Variants in ADGRL3 observed in about 807,000 individuals in gnomAD.
ADGRL3 encodes the protein adhesion G protein-coupled receptor L3.
In ADGRL3, 62 loss-of-function variants were observed where a neutral mutation model predicts 153.5. That is an observed-to-expected ratio of 0.40 (90% CI 0.33 to 0.50). The LOEUF is 0.50. Ranked by LOEUF, ADGRL3 falls within the 20% of genes least tolerant of loss-of-function variation. The pLI is 0.47. For missense variants in ADGRL3, 1,641 were observed against 1,859.4 expected (o/e 0.88, Z 2.16); for synonymous variants, 710 against 672.5 (o/e 1.06, Z -0.86).
chr4:61,852,279 T>C (rs971671917), intron 9 of ADGRL3, among the ~76,000 whole-genome samples: 1 of 142,132 alleles, frequency 7.0e-6, no homozygotes, highest in Non-Finnish European at 1.5e-5. Flanking sequence ...AACTACTTAT[T>C]TTATTTTAAT....
At chr4:61,960,704 G>A (rs1181700421) in intron 17 of ADGRL3, among the ~76,000 whole-genome samples, 1 of 151,864 alleles carries the variant, frequency 6.6e-6, no homozygotes, top group South Asian at 2.1e-4. Flanking sequence ...AGTGTTTTTT[G>A]TTTTGTTTTG....
intron 6 of ADGRL3, among the ~76,000 whole-genome samples, chr4:61,714,173 A>G (rs2096059511): frequency 6.6e-6 from 1 of 151,588 alleles, no homozygotes; most frequent in Non-Finnish European, 1.5e-5. Flanking sequence ...AACAAAAAAA[A>G]AGTTCTTTTG....
intron 1 of ADGRL3, among the ~76,000 whole-genome samples, chr4:61,256,959 A>T (rs2092028650): frequency 6.6e-6 from 1 of 152,144 alleles, no homozygotes; most frequent in African/African-American, 2.4e-5. Context: ...GCACATACTT[A>T]ACACACACAC....
intron 9 of ADGRL3, among the ~76,000 whole-genome samples, chr4:61,840,117 T>C (rs996472316): frequency 6.6e-6 from 1 of 152,238 alleles, no homozygotes; most frequent in African/African-American, 2.4e-5. Context: ...AATATTTCTG[T>C]GTCCCAGGCT....
At chr4:61,725,852 T>C (rs1244290158) in intron 6 of ADGRL3, among the ~76,000 whole-genome samples, 1 of 152,178 alleles carries the variant, frequency 6.6e-6, no homozygotes, top group Non-Finnish European at 1.5e-5. Flanking sequence ...ACGGCAGGAC[T>C]CTGCCACCTA....
At chr4:61,808,196 C>G (rs114117808) in intron 8 of ADGRL3, among the ~76,000 whole-genome samples, 1,569 of 152,254 alleles carry the variant, frequency 0.01, 18 homozygotes, top group Middle Eastern at 0.041. Flanking sequence ...ACTGCTTAGT[C>G]CTGCACCTAG....
At chr4:61,434,962 G>T in intron 2 of ADGRL3, among the ~76,000 whole-genome samples, 1 of 152,108 alleles carries the variant, frequency 6.6e-6, no homozygotes, top group African/African-American at 2.4e-5. Flanking sequence ...TGGCCACTGA[G>T]ATTTAAAAAT....
At chr4:61,848,583 C>T (rs1039598078) in intron 9 of ADGRL3, among the ~76,000 whole-genome samples, 1 of 152,074 alleles carries the variant, frequency 6.6e-6, no homozygotes, top group Non-Finnish European at 1.5e-5. Context: ...GTCACATTCA[C>T]AGGTACCAGG....
chr4:61,469,146 G>A (rs546139611), intron 2 of ADGRL3, among the ~76,000 whole-genome samples: 209 of 152,054 alleles, frequency 1.4e-3, no homozygotes, highest in African/African-American at 4.7e-3. Flanking sequence ...ATCTTAGAAG[G>A]GCAGTATTAC....
chr4:61,587,902 G>A (rs1016331454), intron 5 of ADGRL3, among the ~76,000 whole-genome samples: 4 of 151,978 alleles, frequency 2.6e-5, no homozygotes, highest in Non-Finnish European at 4.4e-5. Flanking sequence ...TTAAGGATTA[G>A]TTGGCCTTGG....
chr4:61,428,657 GT>G (rs1344100343), intron 2 of ADGRL3, among the ~76,000 whole-genome samples: 11 of 152,126 alleles, frequency 7.2e-5, no homozygotes, highest in Admixed American at 7.2e-4. Context: ...CCTAGCCTCA[GT>G]TTTCTCATCT....
chr4:61,384,729 A>G (rs930408444), intron 2 of ADGRL3, among the ~76,000 whole-genome samples: 2 of 152,026 alleles, frequency 1.3e-5, no homozygotes, highest in Non-Finnish European at 2.9e-5. Context: ...ACTCCAGTAG[A>G]AGCTAATAAA....
At chr4:61,953,948 T>C (rs1375053517) in intron 17 of ADGRL3, among the ~76,000 whole-genome samples, 3 of 152,166 alleles carry the variant, frequency 2.0e-5, no homozygotes, top group Non-Finnish European at 4.4e-5. Context: ...TTTCTCCTCA[T>C]CTGCTTGACC....
At chr4:61,343,311 A>G (rs144715340) in intron 1 of ADGRL3, among the ~76,000 whole-genome samples, 1 of 152,158 alleles carries the variant, frequency 6.6e-6, no homozygotes, top group Non-Finnish European at 1.5e-5. Context: ...GCTTTCTCAG[A>G]TATCCTCATA....
intron 8 of ADGRL3, among the ~76,000 whole-genome samples, chr4:61,744,847 G>A (rs1172395601): frequency 2.0e-5 from 3 of 152,168 alleles, no homozygotes; most frequent in East Asian, 1.9e-4. Context: ...CACCAGCAAC[G>A]GAACAAAGCT....
intron 8 of ADGRL3, among the ~76,000 whole-genome samples, chr4:61,736,653 A>C (rs963467990): frequency 1.4e-4 from 21 of 152,162 alleles, no homozygotes; most frequent in African/African-American, 4.8e-4. Context: ...GCGAGACTCC[A>C]TCTCAGAAAA....
intron 1 of ADGRL3, among the ~76,000 whole-genome samples, chr4:61,380,222 GTGTA>G (rs2096651236): frequency 6.6e-6 from 1 of 151,924 alleles, no homozygotes; most frequent in East Asian, 1.9e-4. Context: ...GTGTGTGTAT[GTGTA>G]TGTATCTATC....
chr4:61,541,535 A>T (rs959513945), intron 4 of ADGRL3, among the ~76,000 whole-genome samples: 5 of 151,992 alleles, frequency 3.3e-5, no homozygotes, highest in Non-Finnish European at 7.4e-5. Context: ...GACATTCTTC[A>T]CTAAGGGGCA....
intron 11 of ADGRL3, among the ~76,000 whole-genome samples, chr4:61,905,794 C>T (rs1581398546): frequency 1.3e-5 from 2 of 151,654 alleles, no homozygotes; most frequent in Middle Eastern, 6.8e-3. Flanking sequence ...ACTCGGGAGA[C>T]CAAGGCATGA....
Sources: gnomAD v4.1 joint callset for allele counts (sites outside exome capture counted in the v4.1 genomes callset) on GRCh38, gnomAD v4.1.1 for gene constraint, MANE v1.5 for transcripts, NCBI Gene and HGNC (gene_info 2026-07-23, HGNC 2026-07-21) for gene names.